The following SLC28A3 variants were observed in gnomAD, a reference collection of about 807,000 sequenced individuals.
SLC28A3 encodes solute carrier family 28 member 3.
A neutral mutation model predicts 84.2 loss-of-function variants in SLC28A3; 68 were observed. That is an observed-to-expected ratio of 0.81 (90% CI 0.66 to 0.99). The LOEUF (loss-of-function observed/expected upper bound fraction) is 0.99. Ranked by LOEUF, SLC28A3 falls within the 50% of genes least tolerant of loss-of-function variation. The pLI, the probability that SLC28A3 is intolerant of heterozygous loss-of-function variation, is 0.00. For missense variants in SLC28A3, 712 were observed against 841.5 expected, an observed-to-expected ratio of 0.85 and a Z score of 1.90; for synonymous variants, 267 against 303.6, an observed-to-expected ratio of 0.88 and a Z score of 1.25.
At chr9:84,308,361 C>T (rs141695271) in intron 3 of SLC28A3, among the ~76,000 whole-genome samples, 2,420 of 152,236 alleles carry the variant, frequency 0.016, 32 homozygotes, top group Admixed American at 0.028. Flanking sequence ...GCCTGGCCAA[C>T]ATGGTGAAAC....
At chr9:84,353,251 T>C in the SLC28A3 span, among the ~76,000 whole-genome samples, 1 of 152,212 alleles carries the variant, frequency 6.6e-6, no homozygotes, top group Non-Finnish European at 1.5e-5. Flanking sequence ...CATCTTGAGT[T>C]TACATATTTT....
chr9:84,338,997 A>C (rs1394535457), intron 1 of SLC28A3, among the ~76,000 whole-genome samples: 1 of 152,138 alleles, frequency 6.6e-6, no homozygotes, highest in African/African-American at 2.4e-5. Flanking sequence ...GGAAGAGAGC[A>C]ACCCTTATCA....
the SLC28A3 span, among the ~76,000 whole-genome samples, chr9:84,367,878 C>T: frequency 6.6e-6 from 1 of 152,190 alleles, no homozygotes; most frequent in Non-Finnish European, 1.5e-5. Context: ...GCGGTTTTCT[C>T]CATCTCAGAG....
chr9:84,332,603 G>A (rs2118590568), intron 1 of SLC28A3, among the ~76,000 whole-genome samples: 1 of 152,244 alleles, frequency 6.6e-6, no homozygotes, highest in South Asian at 2.1e-4. Flanking sequence ...CTTGCCTCTG[G>A]AAAGAACAAC....
rs557047746 is a variant in SLC28A3, at chr9:84,336,850, G to A, written c.60+3724C>T. Among the ~76,000 whole-genome samples the A allele has an allele frequency of 3.3e-5, 5 of 152,304 alleles. No homozygotes were observed. In the South Asian group the frequency reaches 1.0e-3, roughly 32 times the overall value. On this transcript the variant is annotated intron_variant, in intron 1 of 17. Coordinates refer to ENST00000376238, the MANE Select transcript of SLC28A3 (RefSeq NM_001199633.2). ...TCCTTTAGGGTTCTGAGTCTGTACA[G>A]ATAGTTCTCTCTGCTTGCAGTGCTC...
At chr9:84,284,202 G>T (rs979642788) in intron 14 of SLC28A3, among the ~76,000 whole-genome samples, 1 of 152,184 alleles carries the variant, frequency 6.6e-6, no homozygotes, top group African/African-American at 2.4e-5. Flanking sequence ...TTTACTTTTG[G>T]CAGGGAAACA....
intron 1 of SLC28A3, among the ~76,000 whole-genome samples, chr9:84,323,345 G>A (rs1331378669): frequency 1.3e-5 from 2 of 152,046 alleles, no homozygotes; most frequent in Non-Finnish European, 2.9e-5. Flanking sequence ...GGTGGGCCTG[G>A]AAAATCCAGG....
the SLC28A3 span, among the ~76,000 whole-genome samples, chr9:84,353,347 T>C: frequency 1.4e-4 from 21 of 152,218 alleles, no homozygotes; most frequent in Non-Finnish European, 2.6e-4. Flanking sequence ...GTAAAACATC[T>C]GTAAGTTGAA....
At chr9:84,285,183 C>T (rs952749824) in intron 14 of SLC28A3, among the ~76,000 whole-genome samples, 162 bp downstream of exon 14, 2 of 152,202 alleles carry the variant, frequency 1.3e-5, no homozygotes, top group African/African-American at 4.8e-5. Context: ...TTAGGAAGTG[C>T]TATGTACATT....
the SLC28A3 span, among the ~76,000 whole-genome samples, chr9:84,345,822 G>A: frequency 6.6e-6 from 1 of 152,180 alleles, no homozygotes; most frequent in East Asian, 1.9e-4. Flanking sequence ...GGAGCTTTCA[G>A]AACCAGTAAA....
chr9:84,285,660 T>G, intron 13 of SLC28A3, 118 bp from the exon 14 acceptor site: 1 of 1,125,836 alleles, frequency 8.9e-7, no homozygotes, highest in Non-Finnish European at 1.3e-6. Flanking sequence ...AATTCCTTCT[T>G]CCCTTGCCCA....
intron 14 of SLC28A3, among the ~76,000 whole-genome samples, chr9:84,282,966 A>G (rs1458957043): frequency 6.6e-6 from 1 of 152,210 alleles, no homozygotes; most frequent in Non-Finnish European, 1.5e-5. Flanking sequence ...TCAAGTAGGT[A>G]TGCAGTCTAC....
chr9:84,341,651 G>A (rs1827160611), upstream of SLC28A3, among the ~76,000 whole-genome samples: 1 of 152,124 alleles, frequency 6.6e-6, no homozygotes, highest in African/African-American at 2.4e-5. Flanking sequence ...CCAGCTTACA[G>A]AAATGCCGAT....
Position 84,275,689 on chromosome 9 carries a change from C to T in SLC28A3, c.*2529G>A, listed in dbSNP as rs936277471. 6.6e-6 allele frequency: 1 copy of T among 152,238 alleles called. No homozygotes were observed. Among genetic ancestry groups the T allele is most frequent in the Non-Finnish European group, 1.5e-5 (1 of 68,064 alleles). The allele number at this position is 152,238 out of a possible 1,614,324, so 9.4% of individuals were successfully genotyped here. A position where few individuals can be genotyped will look rare whatever the true frequency, so the allele number is the denominator to read the frequency against. ...GGAGAAGGGCCACTTACGACGTTCA[C>T]AGGGTATTGGTGAGGTTTCTGGGGG... is the stretch of plus-strand genomic sequence containing the variant. On this transcript the variant is annotated 3_prime_UTR_variant, in exon 18 of 18. Transcript: ENST00000376238.
the SLC28A3 span, among the ~76,000 whole-genome samples, chr9:84,357,612 C>T: frequency 1.3e-5 from 2 of 152,008 alleles, no homozygotes; most frequent in South Asian, 2.1e-4. Flanking sequence ...GGAGACTATG[C>T]TTAGCACCAT....
intron 1 of SLC28A3, among the ~76,000 whole-genome samples, chr9:84,324,507 G>A (rs1342183886): frequency 6.6e-6 from 1 of 152,044 alleles, no homozygotes; most frequent in Non-Finnish European, 1.5e-5. Context: ...AGCCAGGCAT[G>A]GTGGCATGCA....
chr9:84,331,504 T>C (rs1477883937), intron 1 of SLC28A3, among the ~76,000 whole-genome samples: 1 of 152,140 alleles, frequency 6.6e-6, no homozygotes, highest in Non-Finnish European at 1.5e-5. Flanking sequence ...AATTGTAAAC[T>C]CCATTTAACA....
At chr9:84,295,227 A>G (rs761324129) in intron 8 of SLC28A3, among the ~76,000 whole-genome samples, 9 of 152,170 alleles carry the variant, frequency 5.9e-5, no homozygotes, top group Non-Finnish European at 8.8e-5. Flanking sequence ...TTTTACCTAT[A>G]GATTTTCAAA....
chr9:84,315,134 T>A (rs1368215004), intron 1 of SLC28A3, among the ~76,000 whole-genome samples: 1 of 152,178 alleles, frequency 6.6e-6, no homozygotes, highest in South Asian at 2.1e-4. Flanking sequence ...TATGGGAAGA[T>A]GACAGAATGT....
Sources: gnomAD v4.1 joint callset for allele counts (sites outside exome capture counted in the v4.1 genomes callset) on GRCh38, gnomAD v4.1.1 for gene constraint, MANE v1.5 for transcripts, NCBI Gene and HGNC (gene_info 2026-07-23, HGNC 2026-07-21) for gene names.